The following ASAP1 variants were observed in gnomAD, a reference collection of about 807,000 sequenced individuals.
ASAP1 encodes the protein ArfGAP with SH3 domain, ankyrin repeat and PH domain 1, also known as arf-GAP with SH3 domain, ANK repeat and PH domain-containing protein 1.
ASAP1 carries 43 observed loss-of-function variants against 145.2 expected under a neutral mutation model. The ratio of observed to expected loss-of-function variants is 0.30; its 90% CI spans 0.23 to 0.38. The LOEUF is 0.38. Among genes scored for constraint, ASAP1 ranks in the 10% least tolerant of loss-of-function variants. The pLI is 1.00. For missense variants in ASAP1, 1,018 were observed against 1,355.3 expected, an observed-to-expected ratio of 0.75 and a Z score of 3.91; for synonymous variants, 546 against 515.5, an observed-to-expected ratio of 1.06 and a Z score of -0.80.
intron 1 of ASAP1, among the ~76,000 whole-genome samples, chr8:130,410,256 A>G (rs1336093751): frequency 6.6e-6 from 1 of 152,216 alleles, no homozygotes; most frequent in Non-Finnish European, 1.5e-5. Flanking sequence ...AACAAGAAAA[A>G]GGGCACGTAC....
At chr8:130,183,580 G>A (rs896617208) in intron 7 of ASAP1, among the ~76,000 whole-genome samples, 11 of 152,016 alleles carry the variant, frequency 7.2e-5, no homozygotes, top group Non-Finnish European at 2.9e-5. Context: ...GACCTCAAGC[G>A]ATTTGCCCAC....
chr8:130,428,695 CCATCATCATCACTACCACCAT>C (rs1351907740), intron 1 of ASAP1, among the ~76,000 whole-genome samples: 1 of 149,952 alleles, frequency 6.7e-6, no homozygotes, highest in Non-Finnish European at 1.5e-5. Context: ...AGAACTACCA[CCATCATCATCACTACCACCAT>C]CATCATCATC....
chr8:130,435,299 T>C lies in ASAP1; in HGVS notation c.-28+8161A>G, dbSNP rs189914314. Among the ~76,000 whole-genome samples the C allele has an allele frequency of 2.0e-4, 31 of 152,348 alleles. 1 individual carries two copies. Among genetic ancestry groups the C allele is most frequent in the African/African-American group, 7.0e-4 (29 of 41,582 alleles). ...TGATATTCTTCAGCATCTTAGTAAG[T>C]CTTTTGCGTCAGCATGCGTATTCTT... On this transcript the variant is annotated intron_variant, in intron 1 of 29. Transcript: ENST00000518721.
chr8:130,305,484 C>T (rs1822937408), intron 3 of ASAP1, among the ~76,000 whole-genome samples: 1 of 152,152 alleles, frequency 6.6e-6, no homozygotes, highest in African/African-American at 2.4e-5. Flanking sequence ...TTGCCTCAGC[C>T]TCCTAAGTAG....
chr8:130,258,056 G>C (rs1271512378), intron 3 of ASAP1, among the ~76,000 whole-genome samples: 2 of 152,114 alleles, frequency 1.3e-5, no homozygotes, highest in Admixed American at 1.3e-4. Flanking sequence ...TTTTCCTATA[G>C]AAGGCCCTGG....
At chr8:130,316,476 A>G (rs748097753) in intron 3 of ASAP1, among the ~76,000 whole-genome samples, 17 of 152,228 alleles carry the variant, frequency 1.1e-4, no homozygotes, top group Non-Finnish European at 5.9e-5. Flanking sequence ...TTACCAGAAT[A>G]TTTTGAAAAT....
intron 1 of ASAP1, among the ~76,000 whole-genome samples, chr8:130,403,301 T>TAAAA (rs1554905614): frequency 2.0e-5 from 3 of 150,994 alleles, no homozygotes; most frequent in African/African-American, 7.3e-5. Flanking sequence ...TGTTTTTTTT[T>TAAAA]AAAAAACCCA....
chr8:130,358,619 G>C lies in ASAP1; in HGVS notation c.60-476C>G, dbSNP rs1384741500. Among the ~76,000 whole-genome samples, 1 of 147,110 alleles carries C rather than the reference G, an allele frequency of 6.8e-6. No homozygotes were observed. Among genetic ancestry groups the C allele is most frequent in the Non-Finnish European group, 1.5e-5 (1 of 66,062 alleles). ...CTGAGCGCACACTCCCGCGGCGGGC[G>C]GGCGGGCGGGCGGCGCTCGCGCTGC... is the stretch of plus-strand genomic sequence containing the variant. On this transcript the variant is annotated intron_variant, in intron 2 of 29. Coordinates refer to ENST00000518721, the MANE Select transcript of ASAP1 (RefSeq NM_018482.4). The surrounding 1 kb of genome is among the most constrained non-coding windows in gnomAD (Gnocchi z 4.1).
chr8:130,291,661 A>C (rs1226966808), intron 3 of ASAP1, among the ~76,000 whole-genome samples: 1 of 152,234 alleles, frequency 6.6e-6, no homozygotes, highest in African/African-American at 2.4e-5. Flanking sequence ...GACATAAATG[A>C]GTGGACTGAA....
chr8:130,318,728 T>G (rs759271530), intron 3 of ASAP1, among the ~76,000 whole-genome samples: 46 of 152,168 alleles, frequency 3.0e-4, no homozygotes, highest in Non-Finnish European at 5.0e-4. Context: ...CGTGATAGAG[T>G]TGGGGTTCAG....
intron 18 of ASAP1, among the ~76,000 whole-genome samples, chr8:130,122,040 A>G (rs757491748): frequency 6.6e-6 from 1 of 152,004 alleles, no homozygotes; most frequent in Non-Finnish European, 1.5e-5. Flanking sequence ...GGGCACCCAT[A>G]TGACCTGTTC....
At chr8:130,216,934 C>T (rs4733776) in intron 4 of ASAP1, among the ~76,000 whole-genome samples, 60,962 of 152,098 alleles carry the variant, frequency 0.4, 12,728 homozygotes, top group East Asian at 0.65. Context: ...CAGTCTGGTA[C>T]CAACACAGCA....
intron 12 of ASAP1, among the ~76,000 whole-genome samples, chr8:130,153,822 T>C (rs1040904421): frequency 2.0e-5 from 3 of 152,164 alleles, no homozygotes; most frequent in Non-Finnish European, 2.9e-5. Flanking sequence ...GTTAATTAAG[T>C]AGTTTTCAAT....
At chr8:130,111,507 C>T (rs6470801) in intron 24 of ASAP1, among the ~76,000 whole-genome samples, 105,462 of 152,078 alleles carry the variant, frequency 0.69, 36,670 homozygotes, top group South Asian at 0.78. Context: ...TCCCCTAATT[C>T]ACATGATGCC....
Position 130,071,496 on chromosome 8 carries a change from T to TA in ASAP1, c.2701+4851dup, listed in dbSNP as rs1290569859. 2.0e-5 allele frequency among the ~76,000 whole-genome samples: 3 copies of TA among 152,344 alleles called. No homozygotes were observed. The East Asian group carries it at 5.8e-4, about 29-fold the overall frequency. Reference sequence around the variant, plus strand: ...GGGAGTGGACTGAGGAGCTACTTGCTAGACTTGTATTGCTGCTTGTAATCT... The same window carrying TA: ...GGGAGTGGACTGAGGAGCTACTTGCTAAGACTTGTATTGCTGCTTGTAATCT... On this transcript the variant is annotated intron_variant, in intron 27 of 29. Transcript: ENST00000518721.
intron 1 of ASAP1, among the ~76,000 whole-genome samples, chr8:130,438,010 T>C (rs77207909): frequency 0.019 from 2,847 of 152,296 alleles, 83 homozygotes; most frequent in African/African-American, 0.065. Flanking sequence ...GCTTAGTTTG[T>C]GGCATTTCCA....
intron 25 of ASAP1, among the ~76,000 whole-genome samples, chr8:130,090,550 C>G (rs1159218886): frequency 6.6e-6 from 1 of 152,216 alleles, no homozygotes; most frequent in Admixed American, 6.5e-5. Flanking sequence ...GTCTCCTCTT[C>G]TCTAAACCTT....
chr8:130,073,163 G>A (rs1026301481), intron 27 of ASAP1, among the ~76,000 whole-genome samples: 22 of 151,950 alleles, frequency 1.4e-4, no homozygotes, highest in Admixed American at 3.9e-4. Flanking sequence ...GCTGAGGCGG[G>A]GGGATCACCT....
chr8:130,289,330 T>C (rs1361856131), intron 3 of ASAP1, among the ~76,000 whole-genome samples: 1 of 152,232 alleles, frequency 6.6e-6, no homozygotes, highest in African/African-American at 2.4e-5. Context: ...AAAGCATCAG[T>C]GTGTTCACAG....
Sources: allele counts gnomAD v4.1 joint callset (sites outside exome capture counted in the v4.1 genomes callset), GRCh38; gene constraint gnomAD v4.1.1; non-coding constraint Gnocchi (gnomAD v3.1); transcripts MANE v1.5; gene names NCBI Gene and HGNC (gene_info 2026-07-23, HGNC 2026-07-21).